Variants in CACNA1A observed in about 807,000 individuals in gnomAD.
The protein encoded by CACNA1A is calcium voltage-gated channel subunit alpha1 A.
A neutral mutation model predicts 262.4 loss-of-function variants in CACNA1A; 57 were observed. The ratio of observed to expected loss-of-function variants is 0.22; its 90% confidence interval spans 0.18 to 0.27. The LOEUF is 0.27. CACNA1A is among the 10% of genes least tolerant of loss of function. The probability of loss-of-function intolerance (pLI) is 1.00; values close to 1 mark genes in which losing one functional copy is unlikely to be tolerated. For missense variants in CACNA1A, 2,526 were observed against 3,562.8 expected (o/e 0.71, Z 7.41); for synonymous variants, 1,431 against 1,419.3 (o/e 1.01, Z -0.18).
At chr19:13,390,179 C>T (rs984123622) in intron 3 of CACNA1A, among the ~76,000 whole-genome samples, 6 of 151,654 alleles carry the variant, frequency 4.0e-5, no homozygotes, top group Admixed American at 6.6e-5. Context: ...TGCAGCGGTG[C>T]GCTCATAGTT....
chr19:13,286,406 A>C, intron 20 of CACNA1A, 97 bp downstream of exon 20: 1 of 543,678 alleles, frequency 1.8e-6, no homozygotes, highest in Non-Finnish European at 3.2e-6. Context: ...GACTGAGGCC[A>C]GAGAGATGGG....
chr19:13,402,215 C>T (rs960617858), intron 3 of CACNA1A, among the ~76,000 whole-genome samples: 18 of 152,192 alleles, frequency 1.2e-4, no homozygotes, highest in African/African-American at 4.3e-4. Flanking sequence ...GGAAGAAGCC[C>T]CTTCTCCCAT....
chr19:13,464,774 T>G (rs955274560), intron 1 of CACNA1A, among the ~76,000 whole-genome samples: 2 of 151,940 alleles, frequency 1.3e-5, no homozygotes, highest in Admixed American at 6.6e-5. Flanking sequence ...GGTCTCGATC[T>G]CCTGACCTTG....
intron 10 of CACNA1A, among the ~76,000 whole-genome samples, chr19:13,322,468 T>G (rs935677856): frequency 6.6e-6 from 1 of 152,170 alleles, no homozygotes; most frequent in Non-Finnish European, 1.5e-5. Flanking sequence ...TTTAAGCCAC[T>G]GGGTTTGTGA....
At chr19:13,467,449 C>G (rs1478079176) in intron 1 of CACNA1A, among the ~76,000 whole-genome samples, 1 of 151,972 alleles carries the variant, frequency 6.6e-6, no homozygotes, top group Non-Finnish European at 1.5e-5. Context: ...TCACTGCACT[C>G]CAGCCTGGGT....
chr19:13,339,396 T>G (rs1377188559), intron 6 of CACNA1A, among the ~76,000 whole-genome samples: 2 of 151,976 alleles, frequency 1.3e-5, no homozygotes, highest in African/African-American at 4.8e-5. Flanking sequence ...GAGTTCGCGT[T>G]TAGTGGGGAC....
At chr19:13,268,022 CAGAGCGCTGGG>C (rs891072634) in intron 24 of CACNA1A, among the ~76,000 whole-genome samples, 2 of 151,992 alleles carry the variant, frequency 1.3e-5, no homozygotes. Flanking sequence ...CTAGGCCTCC[CAGAGCGCTGGG>C]ATTACAAGTG....
At chr19:13,333,031 T>C (rs962813604) in intron 8 of CACNA1A, 106 bp from the exon 9 acceptor site, 3 of 847,928 alleles carry the variant, frequency 3.5e-6, no homozygotes, top group Non-Finnish European at 5.8e-6. Context: ...TGCTGACTGA[T>C]GGTGACAGCT....
At chr19:13,284,059 G>A (rs1019475534) in intron 21 of CACNA1A, 1 of 152,116 alleles carries the variant, frequency 6.6e-6, no homozygotes, top group African/African-American at 2.4e-5. Flanking sequence ...TAGTTCATAA[G>A]GTTGTGTGAA....
At chr19:13,307,952 A>C in intron 14 of CACNA1A, 98 bp from the exon 15 acceptor site, 1 of 1,395,848 alleles carries the variant, frequency 7.2e-7, no homozygotes, top group Non-Finnish European at 1.0e-6. Flanking sequence ...CGTCTCCATC[A>C]TCTCTGTCCC....
At chr19:13,439,057 T>C (rs1402111987) in intron 3 of CACNA1A, among the ~76,000 whole-genome samples, 2 of 151,832 alleles carry the variant, frequency 1.3e-5, no homozygotes, top group Non-Finnish European at 2.9e-5. Flanking sequence ...CTTTTCTGAC[T>C]ATCCTGTTCC....
At chr19:13,411,097 G>A (rs2144736957) in intron 3 of CACNA1A, among the ~76,000 whole-genome samples, 1 of 152,246 alleles carries the variant, frequency 6.6e-6, no homozygotes, top group Non-Finnish European at 1.5e-5. Flanking sequence ...CTGGTGCAAA[G>A]GTTATTTCCT....
At chr19:13,359,250 C>T (rs1365993800) in intron 6 of CACNA1A, among the ~76,000 whole-genome samples, 1 of 152,174 alleles carries the variant, frequency 6.6e-6, no homozygotes, top group Non-Finnish European at 1.5e-5. Context: ...AGGGCAGGGA[C>T]CCCTCGCCTA....
chr19:13,279,622 T>TA (rs1296381919), intron 22 of CACNA1A, among the ~76,000 whole-genome samples: 2 of 151,986 alleles, frequency 1.3e-5, no homozygotes, highest in East Asian at 3.9e-4. Context: ...GTGTCTGGGA[T>TA]TACAGGCGCA....
chr19:13,443,564 C>T (rs1327480715), intron 3 of CACNA1A, among the ~76,000 whole-genome samples: 1 of 152,120 alleles, frequency 6.6e-6, no homozygotes, highest in African/African-American at 2.4e-5. Context: ...TCAGGCTGGT[C>T]TCGAACTCCT....
intron 3 of CACNA1A, among the ~76,000 whole-genome samples, chr19:13,439,496 T>G (rs1227842492): frequency 3.3e-5 from 5 of 151,026 alleles, no homozygotes; most frequent in African/African-American, 1.2e-4. Flanking sequence ...GCCTCCCGGG[T>G]TCACGCCATT....
chr19:13,433,460 C>CAAAAAAAAAAAA lies in CACNA1A; in HGVS notation c.539+19404_539+19415dup, dbSNP rs533297364. Among the ~76,000 whole-genome samples, 222 of 76,190 alleles carry CAAAAAAAAAAAA rather than the reference C, an allele frequency of 2.9e-3. 13 individuals are homozygous for CAAAAAAAAAAAA. Among genetic ancestry groups the CAAAAAAAAAAAA allele is most frequent in the Non-Finnish European group, 4.2e-3 (174 of 41,594 alleles). The allele number at this position is 76,190 out of a possible 152,430, so 50.0% of individuals were successfully genotyped here. A position where few individuals can be genotyped will look rare whatever the true frequency, so the allele number is the denominator to read the frequency against. On this transcript the variant is annotated intron_variant, in intron 3 of 46. Transcript: ENST00000360228. ...TCGGCAACAAAGCAAGACGCTGTCTCAAAAAAAAAAAAAAAAAAAAAAAGT... is the reference window on the plus strand; with the variant it reads ...TCGGCAACAAAGCAAGACGCTGTCTCAAAAAAAAAAAAAAAAAAAAAAAAAAAAAAAAAAAGT...
rs186377521 is a variant in CACNA1A, at chr19:13,495,293, T to C, written c.293+10639A>G. Reference sequence around the variant, plus strand: ...ACATAGGTAAAACCTAAGCATATAATATTTATTTATTTATTTATTTTGAGA... The same window carrying C: ...ACATAGGTAAAACCTAAGCATATAACATTTATTTATTTATTTATTTTGAGA... On this transcript the variant is annotated intron_variant, in intron 1 of 46. Transcript: ENST00000360228. 1.8e-3 allele frequency among the ~76,000 whole-genome samples: 278 copies of C among 152,008 alleles called. 2 individuals carry two copies. The highest frequency in any genetic ancestry group is 6.5e-3 in the African/African-American group (270 of 41,420).
At chr19:13,211,693 T>C (rs1600087399) in intron 43 of CACNA1A, 1 of 190,160 alleles carries the variant, frequency 5.3e-6, no homozygotes, top group Non-Finnish European at 1.0e-5. Context: ...CAGCTGCACA[T>C]GTGTGTGCAT....
Sources: gnomAD v4.1 joint callset for allele counts (sites outside exome capture counted in the v4.1 genomes callset) on GRCh38, gnomAD v4.1.1 for gene constraint, MANE v1.5 for transcripts, NCBI Gene and HGNC (gene_info 2026-07-23, HGNC 2026-07-21) for gene names.